OR4K13: variants seen among roughly 807,000 people sequenced by gnomAD.
OR4K13 encodes the protein olfactory receptor 4K13.
For synonymous variants in OR4K13, 160 were observed against 134.8 expected (o/e 1.19, Z -1.30); for missense variants, 403 against 366.0 (o/e 1.10, Z -0.82).
Position 20,035,915 on chromosome 14 carries a change from C to T in OR4K13, c.-224+23G>A, listed in dbSNP as rs78984565. 3.2e-4 allele frequency: 49 copies of T among 152,112 alleles called. No homozygotes were observed. In the East Asian group the frequency reaches 9.1e-3, roughly 28 times the overall value. 9.4% of individuals were successfully genotyped at this position (152,112 alleles called of 1,614,324 possible). On this transcript the variant is annotated intron_variant, in intron 1 of 1. Transcript: ENST00000641904. ...CAGTAAATAAAGTATTTGTAGTCAT[C>T]TTTTTGTGCTGTTATTACTTACAAG...
chr14:20,035,305 G>C (rs1877539559), intron 1 of OR4K13, among the ~76,000 whole-genome samples: 1 of 151,848 alleles, frequency 6.6e-6, no homozygotes. Context: ...ACCATGTTTT[G>C]AAATGGACTC....
rs537529138 is a variant in OR4K13, at chr14:20,033,560, C to G, written c.*284G>C. The G allele has an allele frequency of 9.1e-6, 2 of 219,816 alleles. No homozygotes were observed. Among genetic ancestry groups the G allele is most frequent in the Non-Finnish European group, 1.8e-5 (2 of 110,496 alleles). The allele number at this position is 219,816 out of a possible 1,614,324, so 13.6% of individuals were successfully genotyped here. On this transcript the variant is annotated 3_prime_UTR_variant, in exon 2 of 2. Coordinates refer to ENST00000641904, the MANE Select transcript of OR4K13 (RefSeq NM_001004714.2). Reference sequence around the variant, plus strand: ...GATAAAGGTGGGATTTAAATGTATACAAGCCAAACTGTAGATATTATGTGT... The same window carrying G: ...GATAAAGGTGGGATTTAAATGTATAGAAGCCAAACTGTAGATATTATGTGT...
At position 20,032,391 on chromosome 14, in the gene OR4K13, T is replaced by A. The variant is rs1192280381; in HGVS notation, c.*1453A>T. 6.6e-6 allele frequency: 1 copy of A among 152,234 alleles called. No homozygotes were observed. The highest frequency in any genetic ancestry group is 1.5e-5 in the Non-Finnish European group (1 of 68,040). The allele number at this position is 152,234 out of a possible 1,614,324, so 9.4% of individuals were successfully genotyped here. On this transcript the variant is annotated 3_prime_UTR_variant, in exon 2 of 2. Coordinates refer to ENST00000641904, the MANE Select transcript of OR4K13 (RefSeq NM_001004714.2). ...AAAATGTTTTCTCCATAAAATTGGTTGCTCAGTATGAAACAACTAAGGCTG... is the reference window on the plus strand; with the variant it reads ...AAAATGTTTTCTCCATAAAATTGGTAGCTCAGTATGAAACAACTAAGGCTG...
At chr14:20,035,631 TATTC>T (rs1877550018) in intron 1 of OR4K13, 1 of 152,088 alleles carries the variant, frequency 6.6e-6, no homozygotes, top group Non-Finnish European at 1.5e-5. Flanking sequence ...TGCATTCATT[TATTC>T]ATTTACCTGG....
In OR4K13 at chr14:20,034,659, C is replaced by T; in HGVS notation, c.100G>A (p.Val34Ile). Reference protein sequence around the residue: ...QILFFLGFSVVFVGIVLGNLL... With the variant: ...QILFFLGFSVIFVGIVLGNLL... The stretch of plus-strand genomic sequence containing the variant: ...TTTCCTAACACAATCCCCACGAAGA[C>T]CACAGAGAATCCCAAGAAGAATAAA... Residue 34 changes from valine to isoleucine, a missense_variant, in exon 2 of 2, where the codon GTC (valine) becomes ATC (isoleucine). Coordinates refer to ENST00000641904, the MANE Select transcript of OR4K13 (RefSeq NM_001004714.2). 6.2e-7 allele frequency: 1 copy of T among 1,613,812 alleles called. No homozygotes were observed. The highest frequency in any genetic ancestry group is 1.3e-5 in the African/African-American group (1 of 74,952).
Position 20,034,098 on chromosome 14 carries a change from T to C in OR4K13, c.661A>G (p.Ile221Val). The change falls in exon 2 of 2, where the codon ATA (isoleucine) becomes GTA (valine). Residue 221 changes from isoleucine to valine, a missense_variant. Ile to Val is a conservative substitution (Grantham distance 29). Coordinates refer to ENST00000641904, the MANE Select transcript of OR4K13 (RefSeq NM_001004714.2). ...GCACGGTACCTAACTGAGAATATTA[T>C]GACTCCATAGGAGACAAGCAAGAGG... ...FLLLLVSYGV[I>V]IFSVRYRAAS... 1.2e-6 allele frequency: 2 copies of C among 1,614,078 alleles called. No homozygotes were observed. Among genetic ancestry groups the C allele is most frequent in the Non-Finnish European group, 1.7e-6 (2 of 1,180,010 alleles).
chr14:20,029,553 G>A lies in OR4K13; in HGVS notation c.*4291C>T. ...TAAAATCACACTAGTTAACGTAAAT[G>A]AAGAATCGAATGACACAAACGAAGA... On this transcript the variant is annotated 3_prime_UTR_variant, in exon 2 of 2. Transcript: ENST00000641904. 6.6e-6 allele frequency: 1 copy of A among 152,122 alleles called. No individual in the cohort carries two copies. The highest frequency in any genetic ancestry group is 1.9e-4 in the East Asian group (1 of 5,200). 9.4% of individuals were successfully genotyped at this position (152,122 alleles called of 1,614,324 possible).
chr14:20,031,363 A>AG lies in OR4K13; in HGVS notation c.*2480dup, dbSNP rs1555339709. Reference sequence around the variant, plus strand: ...TTGATAGTAGCTAGCATGTTGGGAGAGGGAAAAAATAACTCCTTCTAATAA... The same window carrying AG: ...TTGATAGTAGCTAGCATGTTGGGAGAGGGGAAAAAATAACTCCTTCTAATAA... On this transcript the variant is annotated 3_prime_UTR_variant, in exon 2 of 2. Transcript: ENST00000641904. 1 of 152,106 alleles carries AG rather than the reference A, an allele frequency of 6.6e-6. No homozygotes were observed. Among genetic ancestry groups the AG allele is most frequent in the Non-Finnish European group, 1.5e-5 (1 of 68,016 alleles). The allele number at this position is 152,106 out of a possible 1,614,324, so 9.4% of individuals were successfully genotyped here.
At position 20,034,015 on chromosome 14, in the gene OR4K13, A is replaced by C; in HGVS notation, c.744T>G (p.Thr248=). The change falls in exon 2 of 2, where the codon ACT becomes ACG. Residue 248 remains threonine (T), a synonymous_variant. Coordinates refer to ENST00000641904, the MANE Select transcript of OR4K13 (RefSeq NM_001004714.2). ...TAAAGACACACGGAGCAAAGAACAG[A>C]GTCACAACTGTGATGTGAGCTGAGA... ...STLSAHITVV[T]LFFAPCVFIY... The C allele has an allele frequency of 6.2e-7, 1 of 1,614,142 alleles. No homozygotes were observed. The highest frequency in any genetic ancestry group is 1.1e-5 in the South Asian group (1 of 91,076).
Position 20,034,642 on chromosome 14 carries a change from C to T in OR4K13, c.117G>A (p.Val39=). The T allele has an allele frequency of 6.2e-7, 1 of 1,613,906 alleles. No individual in the cohort carries two copies. The highest frequency in any genetic ancestry group is 8.5e-7 in the Non-Finnish European group (1 of 1,179,960). Residue 39 remains valine, a synonymous_variant, in exon 2 of 2, where the codon GTG becomes GTA. Coordinates refer to ENST00000641904, the MANE Select transcript of OR4K13 (RefSeq NM_001004714.2). ...TCACCAAGATGAGCAGGTTTCCTAACACAATCCCCACGAAGACCACAGAGA... is the reference window on the plus strand; with the variant it reads ...TCACCAAGATGAGCAGGTTTCCTAATACAATCCCCACGAAGACCACAGAGA... ...LGFSVVFVGI[V]LGNLLILVTV... is the part of the protein sequence containing the mutation.
Position 20,034,526 on chromosome 14 carries a change from G to T in OR4K13, c.233C>A (p.Thr78Asn), listed in dbSNP as rs1350090468. 31 of 1,613,824 alleles carry T rather than the reference G, an allele frequency of 1.9e-5. No homozygotes were observed. The highest frequency in any genetic ancestry group is 2.6e-5 in the Non-Finnish European group (31 of 1,179,948). Residue 78 changes from threonine (T) to asparagine (N), a missense_variant, in exon 2 of 2, where the codon ACC becomes AAC. By Grantham distance (65) the Thr-to-Asn change is moderately conservative. Coordinates refer to ENST00000641904, the MANE Select transcript of OR4K13 (RefSeq NM_001004714.2). ...CIDMILASFA[T>N]PKMIVDFLRE... Reference sequence around the variant, plus strand: ...GAGGAAATCTACAATCATCTTAGGGGTAGCAAAAGAAGCCAGGATCATATC... The same window carrying T: ...GAGGAAATCTACAATCATCTTAGGGTTAGCAAAAGAAGCCAGGATCATATC...
intron 1 of OR4K13, chr14:20,035,499 A>ATG (rs1316818634): frequency 6.6e-6 from 1 of 150,586 alleles, no homozygotes; most frequent in Non-Finnish European, 1.5e-5. Flanking sequence ...ATTTATATAT[A>ATG]TTTATATAAT....
In OR4K13 at chr14:20,033,646, C is replaced by A; in HGVS notation, c.*198G>T. ...TTAACAATTACATCTACTATTTCCTCATATGGAACTTGAACTGTTAGCTGG... is the reference window on the plus strand; with the variant it reads ...TTAACAATTACATCTACTATTTCCTAATATGGAACTTGAACTGTTAGCTGG... On this transcript the variant is annotated 3_prime_UTR_variant, in exon 2 of 2. Transcript: ENST00000641904. 2.3e-6 allele frequency: 1 copy of A among 431,004 alleles called. No individual in the cohort carries two copies. Among genetic ancestry groups the A allele is most frequent in the Non-Finnish European group, 4.2e-6 (1 of 240,068 alleles). The allele number at this position is 431,004 out of a possible 1,614,324, so 26.7% of individuals were successfully genotyped here.
rs1594163597 is a variant in OR4K13, at chr14:20,030,157, G to A, written c.*3687C>T. The A allele has an allele frequency of 6.6e-6, 1 of 151,936 alleles. No individual in the cohort carries two copies. The highest frequency in any genetic ancestry group is 1.5e-5 in the Non-Finnish European group (1 of 67,990). 9.4% of individuals were successfully genotyped at this position (151,936 alleles called of 1,614,324 possible). On this transcript the variant is annotated 3_prime_UTR_variant, in exon 2 of 2. Transcript: ENST00000641904. ...ATGGGAAGGAGGAGGTGACTACTGT[G>A]GGGGACAGGAGCATTTTTGGGTTGA...
Position 20,034,243 on chromosome 14 carries a change from A to G in OR4K13, c.516T>C (p.Asn172=), listed in dbSNP as rs756854796. 1 of 1,614,046 alleles carries G rather than the reference A, an allele frequency of 6.2e-7. No individual in the cohort carries two copies. Among genetic ancestry groups the G allele is most frequent in the Non-Finnish European group, 8.5e-7 (1 of 1,180,024 alleles). Residue 172 remains asparagine (N), a synonymous_variant, in exon 2 of 2, where the codon AAT becomes AAC. Transcript: ENST00000641904. ...FMLTLPFCGP[N]VIDSFFCDLP... is the part of the protein sequence containing the mutation. The stretch of plus-strand genomic sequence containing the variant: ...GGTCACAGAAAAAGCTGTCTATAAC[A>G]TTGGGACCACAGAAGGGCAAAGTCA...
intron 1 of OR4K13, among the ~76,000 whole-genome samples, chr14:20,035,484 C>A: frequency 1.2e-5 from 1 of 82,408 alleles, no homozygotes; most frequent in South Asian, 4.2e-4. Flanking sequence ...ACATACATTT[C>A]ATATATTTAT....
Position 20,030,814 on chromosome 14 carries a change from A to G in OR4K13, c.*3030T>C, listed in dbSNP as rs113837853. On this transcript the variant is annotated 3_prime_UTR_variant, in exon 2 of 2. Coordinates refer to ENST00000641904, the MANE Select transcript of OR4K13 (RefSeq NM_001004714.2). ...CGTGAGTGGATTACCTAATGTCAGG[A>G]GTTCGAGACTACCCTGGCCAACATG... 0.061 allele frequency: 9,231 copies of G among 152,430 alleles called. 414 individuals are homozygous for G. Among genetic ancestry groups the G allele is most frequent in the South Asian group, 0.13 (608 of 4,822 alleles). 9.4% of individuals were successfully genotyped at this position (152,430 alleles called of 1,614,324 possible).
In OR4K13 at chr14:20,033,373, CCAATAA is replaced by C. The variant is rs1409721949; in HGVS notation, c.*465_*470del. ...GTGTGCTTTCTCTAAACATAGATTA[CCAATAA>C]CAACAACAAAAAACCTAACAATAAT... is the stretch of plus-strand genomic sequence containing the variant. On this transcript the variant is annotated 3_prime_UTR_variant, in exon 2 of 2. Coordinates refer to ENST00000641904, the MANE Select transcript of OR4K13 (RefSeq NM_001004714.2). 1.3e-5 allele frequency: 2 copies of C among 154,286 alleles called. No individual in the cohort carries two copies. Among genetic ancestry groups the C allele is most frequent in the Non-Finnish European group, 2.9e-5 (2 of 69,664 alleles). The allele number at this position is 154,286 out of a possible 1,614,324, so 9.6% of individuals were successfully genotyped here.
Position 20,033,742 on chromosome 14 carries a change from A to G in OR4K13, c.*102T>C, listed in dbSNP as rs1203636273. The G allele has an allele frequency of 4.6e-6, 3 of 656,970 alleles. No homozygotes were observed. The highest frequency in any genetic ancestry group is 7.6e-6 in the Non-Finnish European group (3 of 393,262). The allele number at this position is 656,970 out of a possible 1,614,324, so 40.7% of individuals were successfully genotyped here. On this transcript the variant is annotated 3_prime_UTR_variant, in exon 2 of 2. Transcript: ENST00000641904. ...TACTTTAATGGCAAAAACCGCAATGACTTTTGCACGAACCTGATACATTAA... is the reference window on the plus strand; with the variant it reads ...TACTTTAATGGCAAAAACCGCAATGGCTTTTGCACGAACCTGATACATTAA...
Sources: gnomAD v4.1 joint callset for allele counts (sites outside exome capture counted in the v4.1 genomes callset) on GRCh38, gnomAD v4.1.1 for gene constraint, MANE v1.5 for transcripts, NCBI Gene and HGNC (gene_info 2026-07-23, HGNC 2026-07-21) for gene names.